JDP2: variants seen among roughly 807,000 people sequenced by gnomAD.
JDP2 encodes progesterone receptor co-activator.
A neutral mutation model predicts 17.1 loss-of-function variants in JDP2; 9 were observed. The ratio of observed to expected loss-of-function variants is 0.53; its 90% CI spans 0.32 to 0.92. JDP2 has a LOEUF of 0.92. JDP2 is among the 40% of genes least tolerant of loss of function. The pLI, the probability that JDP2 is intolerant of heterozygous loss-of-function variation, is 0.04. For synonymous variants in JDP2, 107 were observed against 95.6 expected, an observed-to-expected ratio of 1.12 and a Z score of -0.69; for missense variants, 179 against 220.0, an observed-to-expected ratio of 0.81 and a Z score of 1.18.
intron 2 of JDP2, among the ~76,000 whole-genome samples, chr14:75,448,382 C>G (rs922285957): frequency 6.6e-6 from 1 of 152,136 alleles, no homozygotes; most frequent in Non-Finnish European, 1.5e-5. Context: ...ATGCAATAAG[C>G]CCCCCAGGGG....
chr14:75,430,715 G>A lies in JDP2; in HGVS notation c.-24+2463G>A, dbSNP rs185489578. Among the ~76,000 whole-genome samples, 15 of 152,190 alleles carry A rather than the reference G, an allele frequency of 9.9e-5. No individual in the cohort carries two copies. The highest frequency in any genetic ancestry group is 9.8e-4 in the Admixed American group (15 of 15,290). On this transcript the variant is annotated intron_variant, in intron 1 of 3. Transcript: ENST00000651602. The surrounding 1 kb of genome is among the most constrained non-coding windows in gnomAD (Gnocchi z 4.5). ...GTTGCTTGTCTTGGCAGTCGGTTCC[G>A]TGGCTTGTATTACCAGCTCTGGAAC...
chr14:75,469,382 C>G lies in JDP2; in HGVS notation c.399C>G (p.Asn133Lys). ...QERQQLILML[N>K]RHRPTCIVRT... ...GGCAGCAGCTCATCCTGATGCTGAA[C>G]CGACACCGCCCCACCTGCATCGTCC... is the stretch of plus-strand genomic sequence containing the variant. The change falls in exon 4 of 4, where the codon AAC becomes AAG. Residue 133 changes from asparagine to lysine, a missense_variant. Coordinates refer to ENST00000651602, the MANE Select transcript of JDP2 (RefSeq NM_001135048.2). 3 of 1,614,134 alleles carry G rather than the reference C, an allele frequency of 1.9e-6. No homozygotes were observed. Among genetic ancestry groups the G allele is most frequent in the Non-Finnish European group, 2.5e-6 (3 of 1,180,026 alleles).
At chr14:75,460,151 C>T (rs1038046597) in intron 2 of JDP2, among the ~76,000 whole-genome samples, 1 of 152,186 alleles carries the variant, frequency 6.6e-6, no homozygotes, top group Non-Finnish European at 1.5e-5. Context: ...AACTTTGATT[C>T]GAAGTCTGTG....
intron 2 of JDP2, among the ~76,000 whole-genome samples, chr14:75,456,904 G>A (rs1298045390): frequency 6.6e-6 from 1 of 152,172 alleles, no homozygotes; most frequent in African/African-American, 2.4e-5. Flanking sequence ...TCTGCACGAG[G>A]GCCCTCTTGG....
At chr14:75,440,676 C>G (rs11159144) in intron 2 of JDP2, among the ~76,000 whole-genome samples, 7,985 of 152,210 alleles carry the variant, frequency 0.052, 731 homozygotes, top group African/African-American at 0.18. Flanking sequence ...CAGGGTCACA[C>G]TGCTGGGAAG....
chr14:75,465,496 ATTTTCTGTTTT>A (rs1886533491), intron 3 of JDP2, among the ~76,000 whole-genome samples: 3 of 151,820 alleles, frequency 2.0e-5, no homozygotes, highest in African/African-American at 4.8e-5. Flanking sequence ...TGCCTGGCTA[ATTTTCTGTTTT>A]TTTGTAGAGA....
chr14:75,442,562 C>T (rs1885404776), intron 2 of JDP2, among the ~76,000 whole-genome samples: 1 of 152,170 alleles, frequency 6.6e-6, no homozygotes. Flanking sequence ...ATTCCTTGAT[C>T]GCTCTACCTC....
chr14:75,459,399 G>A (rs1886254335), intron 2 of JDP2, among the ~76,000 whole-genome samples: 1 of 152,230 alleles, frequency 6.6e-6, no homozygotes, highest in Non-Finnish European at 1.5e-5. Context: ...GTGCTTGGGT[G>A]TGGCGGTGTT....
chr14:75,437,722 G>A (rs1202467898), intron 1 of JDP2, among the ~76,000 whole-genome samples, 176 bp from the exon 2 acceptor site: 1 of 152,258 alleles, frequency 6.6e-6, no homozygotes, highest in Non-Finnish European at 1.5e-5. Flanking sequence ...TGAGTTAATT[G>A]AGCAACTTTT....
At chr14:75,442,956 G>C (rs544440037) in intron 2 of JDP2, among the ~76,000 whole-genome samples, 10 of 152,138 alleles carry the variant, frequency 6.6e-5, no homozygotes, top group Non-Finnish European at 8.8e-5. Context: ...CCTTTCCAAC[G>C]TAGGGCAGTT....
At chr14:75,448,562 C>T (rs913490734) in intron 2 of JDP2, among the ~76,000 whole-genome samples, 5 of 152,196 alleles carry the variant, frequency 3.3e-5, no homozygotes, top group African/African-American at 1.2e-4. Flanking sequence ...CTCATTAATG[C>T]TTATGGTTCC....
At chr14:75,468,553 C>T (rs1022213599) in intron 3 of JDP2, among the ~76,000 whole-genome samples, 18 of 152,206 alleles carry the variant, frequency 1.2e-4, no homozygotes, top group African/African-American at 4.1e-4. Flanking sequence ...CGAATCAAAT[C>T]GTCAACATTC....
chr14:75,464,772 G>T (rs896594243), intron 3 of JDP2, among the ~76,000 whole-genome samples: 1 of 152,236 alleles, frequency 6.6e-6, no homozygotes, highest in Non-Finnish European at 1.5e-5. Context: ...GAACCCCGGG[G>T]AAGGGGCAGG....
At chr14:75,437,844 C>G in intron 1 of JDP2, 54 bp from the exon 2 acceptor site, 1 of 1,334,478 alleles carries the variant, frequency 7.5e-7, no homozygotes, top group Non-Finnish European at 1.0e-6. Flanking sequence ...GACTTGAGCC[C>G]TCCTGGAGCC....
In JDP2 at chr14:75,452,322, T is replaced by A. The variant is rs150161443; in HGVS notation, c.202-9104T>A. ...TCCACCTCGCTGAGCCTCAGTTTTCTCACTTGTAAAATAAGGCCCCTGAGA... is the reference window on the plus strand; with the variant it reads ...TCCACCTCGCTGAGCCTCAGTTTTCACACTTGTAAAATAAGGCCCCTGAGA... On this transcript the variant is annotated intron_variant, in intron 2 of 3. Coordinates refer to ENST00000651602, the MANE Select transcript of JDP2 (RefSeq NM_001135048.2). Among the ~76,000 whole-genome samples, 452 of 152,310 alleles carry A rather than the reference T, an allele frequency of 3.0e-3. 3 individuals are homozygous for A. The highest frequency in any genetic ancestry group is 8.9e-3 in the African/African-American group (371 of 41,556).
chr14:75,445,228 G>C (rs1458937704), intron 2 of JDP2: 8 of 985,348 alleles, frequency 8.1e-6, no homozygotes, highest in Non-Finnish European at 9.6e-6. Flanking sequence ...CCTGGCCTGA[G>C]GTTGGAGCAT....
chr14:75,467,453 G>A (rs750196104), intron 3 of JDP2, among the ~76,000 whole-genome samples: 5 of 152,188 alleles, frequency 3.3e-5, no homozygotes, highest in Non-Finnish European at 4.4e-5. Flanking sequence ...AGAGCCAGTT[G>A]GGGGCTCATG....
At chr14:75,465,295 GC>G (rs1341916860) in intron 3 of JDP2, among the ~76,000 whole-genome samples, 1 of 340 alleles carries the variant, frequency 2.9e-3, no homozygotes, top group African/African-American at 0.012. Context: ...CCTTAGAATA[GC>G]TTTTTAAAAA....
rs757800360 is a variant in JDP2 at position 75,437,941 on chromosome 14, G to T, written c.21G>T (p.Pro7=). The T allele has an allele frequency of 3.7e-6, 6 of 1,611,844 alleles. No homozygotes were observed. Among genetic ancestry groups the T allele is most frequent in the Non-Finnish European group, 5.1e-6 (6 of 1,179,310 alleles). The change falls in exon 2 of 4, where the codon CCG becomes CCT. Residue 7 remains proline, a synonymous_variant. Transcript: ENST00000651602. ...CTGCTATGATGCCTGGGCAGATCCC[G>T]GACCCTTCGGTGACCACAGGCTCCC... is the stretch of plus-strand genomic sequence containing the variant. MMPGQI[P]DPSVTTGSLP...
Sources: gnomAD v4.1 joint callset for allele counts (sites outside exome capture counted in the v4.1 genomes callset) on GRCh38, gnomAD v4.1.1 for gene constraint, Gnocchi (gnomAD v3.1) non-coding constraint, MANE v1.5 for transcripts, NCBI Gene and HGNC (gene_info 2026-07-23, HGNC 2026-07-21) for gene names.